CCSER1: variants seen among roughly 807,000 people sequenced by gnomAD.
CCSER1 encodes the protein coiled-coil serine rich protein 1.
Under a neutral mutation model 82.0 loss-of-function variants are expected in CCSER1, and 41 were observed. That is an observed-to-expected ratio of 0.50 (90% CI 0.39 to 0.65). The LOEUF is 0.65. Ranked by LOEUF, CCSER1 falls within the 30% of genes least tolerant of loss-of-function variation. CCSER1 has a pLI of 0.00. For synonymous variants in CCSER1, 414 were observed against 383.9 expected, an observed-to-expected ratio of 1.08 and a Z score of -0.92; for missense variants, 1,119 against 1,064.2, an observed-to-expected ratio of 1.05 and a Z score of -0.72.
At position 90,468,269 on chromosome 4, in the gene CCSER1, T is replaced by C. The variant is rs1349539530; in HGVS notation, c.1639T>C (p.Cys547Arg). Residue 547 changes from cysteine (C) to arginine (R), a missense_variant, in exon 5 of 11, where the codon TGT (cysteine) becomes CGT (arginine). Coordinates refer to ENST00000509176, the MANE Select transcript of CCSER1 (RefSeq NM_001145065.2). ...REDSYHSVVS[C>R]AAVVLTPMEP... ...GGACTCATATCACTCTGTCGTCTCATGTGCCGCAGTAGTTCTTACTCCTAT... is the reference window on the plus strand; with the variant it reads ...GGACTCATATCACTCTGTCGTCTCACGTGCCGCAGTAGTTCTTACTCCTAT... 1 of 1,608,520 alleles carries C rather than the reference T, an allele frequency of 6.2e-7. No homozygotes were observed. The highest frequency in any genetic ancestry group is 1.1e-5 in the South Asian group (1 of 90,066).
At chr4:90,511,793 A>T (rs894943807) in intron 5 of CCSER1, among the ~76,000 whole-genome samples, 1 of 152,110 alleles carries the variant, frequency 6.6e-6, no homozygotes, top group African/African-American at 2.4e-5. Flanking sequence ...TGAGAGAGGA[A>T]TTTCTCAAAT....
At chr4:91,568,652 T>G (rs1454758452) in intron 10 of CCSER1, among the ~76,000 whole-genome samples, 1 of 152,196 alleles carries the variant, frequency 6.6e-6, no homozygotes, top group Non-Finnish European at 1.5e-5. Context: ...ATACTTGGGA[T>G]TGCATTGTGA....
chr4:90,932,211 C>A, intron 9 of CCSER1, among the ~76,000 whole-genome samples: 1 of 151,640 alleles, frequency 6.6e-6, no homozygotes, highest in African/African-American at 2.4e-5. Context: ...AAATTTATAC[C>A]AAAAAGAATG....
chr4:91,469,048 ATAAG>A (rs1307132448), intron 10 of CCSER1, among the ~76,000 whole-genome samples: 1 of 152,194 alleles, frequency 6.6e-6, no homozygotes, highest in Non-Finnish European at 1.5e-5. Flanking sequence ...AAAAGAAAAA[ATAAG>A]TAGTGGAAAA....
intron 8 of CCSER1, among the ~76,000 whole-genome samples, chr4:90,901,578 GT>G (rs1278359012): frequency 1.3e-5 from 2 of 151,960 alleles, no homozygotes; most frequent in Non-Finnish European, 2.9e-5. Context: ...TGGCTGGCAT[GT>G]TTTTTTCTTT....
chr4:91,185,543 G>T (rs902959293), intron 10 of CCSER1, among the ~76,000 whole-genome samples: 1 of 152,190 alleles, frequency 6.6e-6, no homozygotes, highest in Non-Finnish European at 1.5e-5. Flanking sequence ...GCTGTGGCGG[G>T]AGACAGACAT....
At chr4:91,499,735 C>A (rs1759107024) in intron 10 of CCSER1, among the ~76,000 whole-genome samples, 1 of 151,824 alleles carries the variant, frequency 6.6e-6, no homozygotes, top group South Asian at 2.1e-4. Context: ...ACTATGTAGT[C>A]TTTTCAGATT....
intron 9 of CCSER1, among the ~76,000 whole-genome samples, chr4:90,964,281 T>C (rs1167977110): frequency 6.6e-6 from 1 of 152,220 alleles, no homozygotes; most frequent in Non-Finnish European, 1.5e-5. Context: ...GTGATTTTTT[T>C]TGTATCTATA....
chr4:90,658,200 A>G (rs1335130364), intron 6 of CCSER1, among the ~76,000 whole-genome samples: 1 of 152,112 alleles, frequency 6.6e-6, no homozygotes, highest in African/African-American at 2.4e-5. Context: ...TTATGTATTT[A>G]TTTGATTCCA....
At chr4:91,524,021 T>G (rs1760646532) in intron 10 of CCSER1, among the ~76,000 whole-genome samples, 1 of 152,182 alleles carries the variant, frequency 6.6e-6, no homozygotes, top group Non-Finnish European at 1.5e-5. Context: ...AATGCCTATG[T>G]TTTACAAACT....
intron 7 of CCSER1, among the ~76,000 whole-genome samples, chr4:90,771,544 T>A (rs1752161655): frequency 7.0e-6 from 1 of 142,612 alleles, no homozygotes; most frequent in Non-Finnish European, 1.5e-5. Context: ...AAAATGATTT[T>A]ATTTAGAAAA....
intron 10 of CCSER1, among the ~76,000 whole-genome samples, chr4:91,153,205 A>C (rs561543085): frequency 6.6e-6 from 1 of 151,912 alleles, no homozygotes; most frequent in Non-Finnish European, 1.5e-5. Context: ...GGCTTTGTTC[A>C]TTTCTTGTTA....
intron 1 of CCSER1, among the ~76,000 whole-genome samples, chr4:90,304,056 A>G (rs1733730356): frequency 6.6e-6 from 1 of 152,228 alleles, no homozygotes; most frequent in African/African-American, 2.4e-5. Flanking sequence ...AATGCTCACC[A>G]TCACTGGCCA....
chr4:90,154,201 A>G (rs1560702507), intron 1 of CCSER1, among the ~76,000 whole-genome samples: 3 of 151,796 alleles, frequency 2.0e-5, no homozygotes, highest in African/African-American at 2.4e-5. Context: ...TATGCGGCGT[A>G]GATTTCTGAG....
chr4:90,894,409 C>T (rs1051743658), intron 8 of CCSER1, among the ~76,000 whole-genome samples: 5 of 151,872 alleles, frequency 3.3e-5, no homozygotes, highest in South Asian at 2.1e-4. Flanking sequence ...TCAACATGAG[C>T]GCATGGCCCT....
chr4:90,793,122 C>T (rs1461865896), intron 7 of CCSER1, among the ~76,000 whole-genome samples: 1 of 152,108 alleles, frequency 6.6e-6, no homozygotes, highest in Non-Finnish European at 1.5e-5. Flanking sequence ...CTTTTTTCTA[C>T]CAAGAAAGTA....
chr4:90,786,099 G>T lies in CCSER1; in HGVS notation c.2011-29663G>T, dbSNP rs183336709. Among the ~76,000 whole-genome samples, 558 of 152,288 alleles carry T rather than the reference G, an allele frequency of 3.7e-3. 1 individual carries two copies. Among genetic ancestry groups the T allele is most frequent in the African/African-American group, 0.012 (486 of 41,568 alleles). On this transcript the variant is annotated intron_variant, in intron 7 of 10. Transcript: ENST00000509176. ...GGCTGAGGGGGATTCTTCTTTGTCA[G>T]ATACTTTCTCAAGGGCTTTCATAAT...
intron 3 of CCSER1, among the ~76,000 whole-genome samples, chr4:90,384,242 T>G (rs1415470521): frequency 6.6e-6 from 1 of 151,568 alleles, no homozygotes; most frequent in African/African-American, 2.4e-5. Context: ...CTGCACCCAT[T>G]AACTCGTCAT....
intron 10 of CCSER1, among the ~76,000 whole-genome samples, chr4:91,144,410 A>T (rs1388359328): frequency 6.6e-6 from 1 of 151,708 alleles, no homozygotes; most frequent in African/African-American, 2.4e-5. Flanking sequence ...CAAAGAACCA[A>T]TTTTTATTTT....
Sources: gnomAD v4.1 joint callset for allele counts (sites outside exome capture counted in the v4.1 genomes callset) on GRCh38, gnomAD v4.1.1 for gene constraint, MANE v1.5 for transcripts, NCBI Gene and HGNC (gene_info 2026-07-23, HGNC 2026-07-21) for gene names.